OCA2: variants seen among roughly 807,000 people sequenced by gnomAD.
OCA2 encodes the protein P protein.
Under a neutral mutation model 100.2 loss-of-function variants are expected in OCA2, and 77 were observed. That is an observed-to-expected ratio of 0.77 (90% CI 0.64 to 0.93). The LOEUF is 0.93. Ranked by LOEUF, OCA2 falls within the 40% of genes least tolerant of loss-of-function variation. The pLI is 0.00. For synonymous variants in OCA2, 432 were observed against 439.2 expected, an observed-to-expected ratio of 0.98 and a Z score of 0.21; for missense variants, 1,062 against 1,089.1, an observed-to-expected ratio of 0.98 and a Z score of 0.35.
At chr15:27,798,677 C>G (rs1432258946) in intron 23 of OCA2, among the ~76,000 whole-genome samples, 1 of 151,844 alleles carries the variant, frequency 6.6e-6, no homozygotes, top group African/African-American at 2.4e-5. Flanking sequence ...AACAAATACA[C>G]AGAAAACACC....
At chr15:27,927,578 T>G (rs1165575090) in intron 18 of OCA2, among the ~76,000 whole-genome samples, 2 of 152,180 alleles carry the variant, frequency 1.3e-5, no homozygotes, top group Non-Finnish European at 2.9e-5. Flanking sequence ...TATGCAACAT[T>G]TATGCTTTAG....
chr15:27,754,203 G>C (rs1488347995), downstream of OCA2, among the ~76,000 whole-genome samples: 2 of 152,174 alleles, frequency 1.3e-5, no homozygotes, highest in African/African-American at 4.8e-5. Flanking sequence ...GGAATTCAAA[G>C]GGCATATAAA....
chr15:27,921,132 G>C (rs1001376646), intron 19 of OCA2, among the ~76,000 whole-genome samples: 1 of 151,872 alleles, frequency 6.6e-6, no homozygotes, highest in African/African-American at 2.4e-5. Context: ...GTAAGTAGGA[G>C]AAACACAAAA....
At chr15:28,072,589 C>CAAAAAAA (rs760224063) in intron 2 of OCA2, among the ~76,000 whole-genome samples, 4 of 60,056 alleles carry the variant, frequency 6.7e-5, no homozygotes, top group African/African-American at 1.9e-4. Flanking sequence ...GATTCCGTCT[C>CAAAAAAA]AAAAAAAAAA....
intron 19 of OCA2, among the ~76,000 whole-genome samples, chr15:27,906,091 A>G (rs758134363): frequency 4.6e-5 from 7 of 152,240 alleles, no homozygotes; most frequent in Non-Finnish European, 1.0e-4. Flanking sequence ...AGTTAGAAGT[A>G]ATAAGTTCTA....
Position 27,985,780 on chromosome 15 carries a change from C to T in OCA2, c.1240-592G>A, listed in dbSNP as rs535071328. ...TGATCTCGGCTCACTGCAACCTCCA[C>T]GCCTGGGGTTCAAGCAATTCTCTCG... On this transcript the variant is annotated intron_variant, in intron 12 of 23. Transcript: ENST00000354638. 5.3e-5 allele frequency among the ~76,000 whole-genome samples: 8 copies of T among 150,174 alleles called. No individual in the cohort carries two copies. In the East Asian group the frequency reaches 1.2e-3, roughly 22 times the overall value.
At chr15:27,891,500 G>T (rs2037460503) in intron 19 of OCA2, among the ~76,000 whole-genome samples, 1 of 152,130 alleles carries the variant, frequency 6.6e-6, no homozygotes, top group South Asian at 2.1e-4. Context: ...AGATGTTCAG[G>T]TCCCTTATTT....
intron 14 of OCA2, among the ~76,000 whole-genome samples, chr15:27,968,800 C>G (rs1020260286): frequency 2.6e-5 from 4 of 152,226 alleles, no homozygotes; most frequent in African/African-American, 9.6e-5. Context: ...CACACAGAGG[C>G]GGGACTCATG....
chr15:27,888,927 C>G (rs953745586), intron 19 of OCA2, among the ~76,000 whole-genome samples: 1 of 152,082 alleles, frequency 6.6e-6, no homozygotes, highest in African/African-American at 2.4e-5. Context: ...TGGTGCCTTC[C>G]CTCATGTGAG....
chr15:28,009,839 T>C (rs558189167), intron 9 of OCA2, among the ~76,000 whole-genome samples: 2 of 152,004 alleles, frequency 1.3e-5, no homozygotes, highest in East Asian at 3.9e-4. Context: ...TATCTAGAAT[T>C]TAAACAACAC....
chr15:27,986,511 C>A, intron 12 of OCA2, 76 bp downstream of exon 12: 1 of 992,670 alleles, frequency 1.0e-6, no homozygotes, highest in South Asian at 1.4e-5. Context: ...ATGTTTGTTT[C>A]CTAAATATAT....
intron 23 of OCA2, among the ~76,000 whole-genome samples, chr15:27,831,863 C>T (rs2034970853): frequency 6.6e-6 from 1 of 152,174 alleles, no homozygotes; most frequent in African/African-American, 2.4e-5. Context: ...GCATCTGTCA[C>T]CTGCAGCCAA....
intron 18 of OCA2, among the ~76,000 whole-genome samples, chr15:27,946,372 T>G (rs1328175813): frequency 2.0e-5 from 3 of 152,184 alleles, no homozygotes; most frequent in Non-Finnish European, 4.4e-5. Context: ...AGTATGCACC[T>G]CTAACAATGG....
intron 23 of OCA2, among the ~76,000 whole-genome samples, chr15:27,803,281 C>T (rs991483237): frequency 2.0e-5 from 3 of 152,166 alleles, no homozygotes; most frequent in Non-Finnish European, 1.5e-5. Flanking sequence ...TTTGTACACT[C>T]ATCTTCATAG....
At chr15:28,019,136 ATGTCCTC>A (rs1451069920) in intron 6 of OCA2, among the ~76,000 whole-genome samples, 1 of 152,050 alleles carries the variant, frequency 6.6e-6, no homozygotes, top group Non-Finnish European at 1.5e-5. Flanking sequence ...AGTCTCCTCC[ATGTCCTC>A]TGAGAGCCCA....
chr15:27,946,158 T>C (rs778452090), intron 18 of OCA2, among the ~76,000 whole-genome samples: 20 of 152,160 alleles, frequency 1.3e-4, no homozygotes, highest in Non-Finnish European at 2.6e-4. Flanking sequence ...GTATGCTCAC[T>C]GAATTATCTT....
intron 23 of OCA2, among the ~76,000 whole-genome samples, chr15:27,806,869 C>G (rs2033875020): frequency 6.6e-6 from 1 of 152,224 alleles, no homozygotes. Flanking sequence ...GGCCGAGCCT[C>G]ACTGGGTCAG....
At chr15:28,081,339 T>C (rs2044615660) in intron 2 of OCA2, among the ~76,000 whole-genome samples, 1 of 152,248 alleles carries the variant, frequency 6.6e-6, no homozygotes, top group South Asian at 2.1e-4. Flanking sequence ...AAATAAGGCA[T>C]GCCCTCAGAG....
chr15:27,911,714 C>T (rs1159639858), intron 19 of OCA2, among the ~76,000 whole-genome samples: 1 of 152,138 alleles, frequency 6.6e-6, no homozygotes, highest in Non-Finnish European at 1.5e-5. Flanking sequence ...ATCCACCCCC[C>T]ATGACCCAAA....
Sources: allele counts gnomAD v4.1 joint callset (sites outside exome capture counted in the v4.1 genomes callset), GRCh38; gene constraint gnomAD v4.1.1; transcripts MANE v1.5; gene names NCBI Gene and HGNC (gene_info 2026-07-23, HGNC 2026-07-21).